TENM1: variants seen among roughly 807,000 people sequenced by gnomAD.
TENM1 encodes the protein teneurin transmembrane protein 1.
TENM1 carries 35 observed loss-of-function variants against 174.8 expected under a neutral mutation model. The ratio of observed to expected loss-of-function variants is 0.20; its 90% CI spans 0.15 to 0.27. TENM1 has a LOEUF of 0.27. Among genes scored for constraint, TENM1 ranks in the 10% least tolerant of loss-of-function variants. The pLI is 1.00. For synonymous variants in TENM1, 781 were observed against 798.7 expected, an observed-to-expected ratio of 0.98 and a Z score of 0.37; for missense variants, 1,633 against 2,130.1, an observed-to-expected ratio of 0.77 and a Z score of 4.59.
the TENM1 span, among the ~76,000 whole-genome samples, chrX:125,112,936 T>C: frequency 2.7e-5 from 3 of 110,756 alleles, no homozygotes; most frequent in Non-Finnish European, 5.7e-5. Context: ...GCTCTTGTGG[T>C]AGAAATTGAC....
At chrX:124,851,479 A>G (rs190340065) in intron 3 of TENM1, among the ~76,000 whole-genome samples, 135 of 111,713 alleles carry the variant, frequency 1.2e-3, no homozygotes, top group Middle Eastern at 4.6e-3. Context: ...AATACACAAC[A>G]CAATAGCAAA....
intron 4 of TENM1, among the ~76,000 whole-genome samples, chrX:124,706,457 G>A (rs1196845946): frequency 9.0e-6 from 1 of 111,425 alleles, no homozygotes; most frequent in Non-Finnish European, 1.9e-5. Context: ...GTCTTTTCTA[G>A]GTAAATCCCT....
intron 1 of TENM1, among the ~76,000 whole-genome samples, chrX:124,954,981 C>A (rs1408689270): frequency 9.0e-6 from 1 of 111,678 alleles, no homozygotes; most frequent in Non-Finnish European, 1.9e-5. Context: ...ACTACTTTAA[C>A]TTCTCACCAC....
At chrX:124,742,410 G>A (rs755220957) in intron 3 of TENM1, among the ~76,000 whole-genome samples, 16 of 110,979 alleles carry the variant, frequency 1.4e-4, no homozygotes, top group African/African-American at 4.9e-4. Flanking sequence ...TAACTCACTG[G>A]GTGGCAAAAG....
Position 124,395,688 on chromosome X carries a change from C to T in TENM1, c.5392-3340G>A, listed in dbSNP as rs942692198. 8.1e-5 allele frequency among the ~76,000 whole-genome samples: 9 copies of T among 111,634 alleles called. No individual in the cohort carries two copies. In the East Asian group the frequency reaches 8.5e-4, roughly 10 times the overall value. On this transcript the variant is annotated intron_variant, in intron 27 of 31. Coordinates refer to ENST00000422452, the Ensembl canonical transcript of TENM1. ...TGCACCTAAAAGGTGATAAGAAAAG[C>T]GCATATTTCCTGTCTTTTGATACAA...
At chrX:124,813,733 T>C (rs1302116170) in intron 3 of TENM1, among the ~76,000 whole-genome samples, 4 of 111,097 alleles carry the variant, frequency 3.6e-5, no homozygotes, top group Non-Finnish European at 7.6e-5. Context: ...AAAGGTACTT[T>C]AGAAACCGGA....
At chrX:125,024,091 T>C in the TENM1 span, among the ~76,000 whole-genome samples, 1 of 111,727 alleles carries the variant, frequency 9.0e-6, no homozygotes, top group Non-Finnish European at 1.9e-5. Flanking sequence ...GATGTTGGCA[T>C]AGATGTGAAG....
chrX:125,026,031 T>A, the TENM1 span, among the ~76,000 whole-genome samples: 1 of 109,714 alleles, frequency 9.1e-6, no homozygotes, highest in Non-Finnish European at 1.9e-5. Context: ...TCAGACTAAA[T>A]GTGAATAAAA....
chrX:124,502,658 CT>C (rs1439517624), intron 19 of TENM1, among the ~76,000 whole-genome samples: 1 of 111,512 alleles, frequency 9.0e-6, no homozygotes, highest in Non-Finnish European at 1.9e-5. Flanking sequence ...AATCTTTGCT[CT>C]TAAAAAAAAA....
chrX:124,926,540 A>G (rs1161058172), intron 1 of TENM1, among the ~76,000 whole-genome samples: 1 of 111,748 alleles, frequency 8.9e-6, no homozygotes, highest in Non-Finnish European at 1.9e-5. Flanking sequence ...GTAAGTTTAC[A>G]TGATGGTAAG....
the TENM1 span, among the ~76,000 whole-genome samples, chrX:125,100,952 G>A: frequency 9.0e-6 from 1 of 111,434 alleles, no homozygotes; most frequent in Non-Finnish European, 1.9e-5. Context: ...GCTAGCTGGT[G>A]GCAGAGGCAA....
chrX:124,543,267 T>G (rs1483842956), intron 15 of TENM1, among the ~76,000 whole-genome samples: 2 of 112,313 alleles, frequency 1.8e-5, no homozygotes, highest in African/African-American at 6.5e-5. Context: ...TTATGTTGGA[T>G]CTCCTAATTT....
chrX:125,086,079 A>G, the TENM1 span, among the ~76,000 whole-genome samples: 1 of 110,082 alleles, frequency 9.1e-6, no homozygotes, highest in Non-Finnish European at 1.9e-5. Flanking sequence ...CCAAATAGCC[A>G]TTTTTTCCAA....
intron 15 of TENM1, among the ~76,000 whole-genome samples, chrX:124,540,496 G>A (rs1195880045): frequency 8.9e-6 from 1 of 111,831 alleles, no homozygotes; most frequent in Non-Finnish European, 1.9e-5. Context: ...CTTCTGCAGC[G>A]ATGACCATCT....
chrX:124,408,527 T>G (rs2060489418), intron 25 of TENM1, among the ~76,000 whole-genome samples: 1 of 111,450 alleles, frequency 9.0e-6, no homozygotes, highest in African/African-American at 3.3e-5. Context: ...CATGCCTTTC[T>G]TATCAGGGGA....
At chrX:124,925,967 A>G (rs373020168) in intron 1 of TENM1, among the ~76,000 whole-genome samples, 3 of 111,891 alleles carry the variant, frequency 2.7e-5, no homozygotes, top group East Asian at 2.8e-4. Flanking sequence ...ATTTTGCTGG[A>G]CTTTTCAATA....
At chrX:124,397,600 T>A (rs919840095) in intron 27 of TENM1, among the ~76,000 whole-genome samples, 1 of 110,418 alleles carries the variant, frequency 9.1e-6, no homozygotes, top group African/African-American at 3.3e-5. Flanking sequence ...ATTTTTTTGT[T>A]TTTGTTTTTG....
the TENM1 span, among the ~76,000 whole-genome samples, chrX:125,169,402 A>G: frequency 9.0e-6 from 1 of 111,701 alleles, no homozygotes; most frequent in Non-Finnish European, 1.9e-5. Flanking sequence ...TCCAATTCCA[A>G]TGAACGGGCT....
At chrX:124,418,312 T>C (rs766414410) in intron 25 of TENM1, among the ~76,000 whole-genome samples, 1 of 111,280 alleles carries the variant, frequency 9.0e-6, no homozygotes, top group Admixed American at 9.6e-5. Flanking sequence ...CTGCAGGGCA[T>C]TTATACTTGC....
Sources: allele counts gnomAD v4.1 joint callset (sites outside exome capture counted in the v4.1 genomes callset), GRCh38; gene constraint gnomAD v4.1.1; transcripts MANE v1.5; gene names NCBI Gene and HGNC (gene_info 2026-07-23, HGNC 2026-07-21).